The following FSTL5 variants were observed in gnomAD, a reference collection of about 807,000 sequenced individuals.
FSTL5 encodes the protein follistatin like 5, also known as follistatin-related protein 5.
A neutral mutation model predicts 89.1 loss-of-function variants in FSTL5; 62 were observed. That is an observed-to-expected ratio of 0.70 (90% confidence interval 0.57 to 0.86). FSTL5 has a LOEUF of 0.86. Ranked by LOEUF, FSTL5 falls within the 40% of genes least tolerant of loss-of-function variation. The probability of loss-of-function intolerance (pLI) is 0.00; values close to 1 mark genes in which losing one functional copy is unlikely to be tolerated. For synonymous variants in FSTL5, 383 were observed against 346.2 expected (o/e 1.11, Z -1.18); for missense variants, 1,057 against 1,001.6 (o/e 1.06, Z -0.75).
In FSTL5 at chr4:161,628,794, G is replaced by A. The variant is rs574334283; in HGVS notation, c.894+27534C>T. On this transcript the variant is annotated intron_variant, in intron 7 of 15. Coordinates refer to ENST00000306100, the MANE Select transcript of FSTL5 (RefSeq NM_020116.5). ...AATTTTTCACTTGCTCATTTCTAAT[G>A]TCAAGATTCAGACTACTAATGGACA... is the stretch of plus-strand genomic sequence containing the variant. Among the ~76,000 whole-genome samples, 82 of 152,228 alleles carry A rather than the reference G, an allele frequency of 5.4e-4. 1 individual carries two copies. The highest frequency in any genetic ancestry group is 1.9e-3 in the African/African-American group (81 of 41,544).
chr4:161,875,292 G>C (rs1732406897), intron 4 of FSTL5, among the ~76,000 whole-genome samples: 1 of 152,188 alleles, frequency 6.6e-6, no homozygotes, highest in Non-Finnish European at 1.5e-5. Flanking sequence ...AGGGCAAATA[G>C]GAAATTGGCT....
At chr4:161,748,234 A>G (rs1740269460) in intron 6 of FSTL5, among the ~76,000 whole-genome samples, 1 of 152,304 alleles carries the variant, frequency 6.6e-6, no homozygotes, top group East Asian at 1.9e-4. Context: ...CAGATTTGTT[A>G]CTGTTTTTGA....
chr4:161,578,138 G>A (rs532483143), intron 8 of FSTL5, among the ~76,000 whole-genome samples: 55 of 151,986 alleles, frequency 3.6e-4, no homozygotes, highest in Non-Finnish European at 5.6e-4. Context: ...AAATGTCAGC[G>A]AATAGGAAGA....
chr4:161,948,820 T>A (rs1222314085), intron 3 of FSTL5, among the ~76,000 whole-genome samples: 3 of 151,742 alleles, frequency 2.0e-5, no homozygotes, highest in Non-Finnish European at 4.4e-5. Context: ...CCTTATTCCA[T>A]CATATTCTGA....
chr4:161,982,519 A>G (rs914797106), intron 3 of FSTL5, among the ~76,000 whole-genome samples: 1 of 152,202 alleles, frequency 6.6e-6, no homozygotes, highest in Non-Finnish European at 1.5e-5. Context: ...TTTTTGCTGA[A>G]TTCTACTAAT....
In FSTL5 at chr4:161,459,320, C is replaced by T. The variant is rs1230977570; in HGVS notation, c.1609-1G>A. ...CTGGGACAGGGTCTGTGCTCACTGCCTACAATAAAGAAGAATTGAAAAAAA... is the reference window on the plus strand; with the variant it reads ...CTGGGACAGGGTCTGTGCTCACTGCTTACAATAAAGAAGAATTGAAAAAAA... On this transcript the variant is annotated splice_acceptor_variant, in intron 13 of 15. Coordinates refer to ENST00000306100, the MANE Select transcript of FSTL5 (RefSeq NM_020116.5). LOFTEE classifies it high-confidence loss of function. 5.0e-6 allele frequency: 8 copies of T among 1,594,780 alleles called. No individual in the cohort carries two copies. The highest frequency in any genetic ancestry group is 6.9e-6 in the Non-Finnish European group (8 of 1,164,086).
chr4:161,731,337 T>C (rs995695821), intron 6 of FSTL5, among the ~76,000 whole-genome samples: 2 of 152,028 alleles, frequency 1.3e-5, no homozygotes, highest in African/African-American at 2.4e-5. Flanking sequence ...CCAAATCTCA[T>C]CTTGAATTGT....
At chr4:161,716,037 C>T (rs1020554432) in intron 6 of FSTL5, among the ~76,000 whole-genome samples, 3 of 152,098 alleles carry the variant, frequency 2.0e-5, no homozygotes, top group African/African-American at 7.2e-5. Context: ...AAAACCCTTG[C>T]AATAGTCTTA....
At chr4:161,607,440 T>C (rs926761272) in intron 7 of FSTL5, among the ~76,000 whole-genome samples, 2 of 152,134 alleles carry the variant, frequency 1.3e-5, no homozygotes, top group Non-Finnish European at 2.9e-5. Flanking sequence ...TAAAATACTA[T>C]AAAACTATGG....
At chr4:161,810,647 T>C (rs1730109371) in intron 4 of FSTL5, among the ~76,000 whole-genome samples, 1 of 152,186 alleles carries the variant, frequency 6.6e-6, no homozygotes, top group African/African-American at 2.4e-5. Flanking sequence ...ATTGTGACCT[T>C]GGGCATGTTA....
intron 15 of FSTL5, among the ~76,000 whole-genome samples, chr4:161,412,511 G>T (rs1300751305): frequency 2.0e-5 from 3 of 151,996 alleles, no homozygotes; most frequent in Admixed American, 6.6e-5. Context: ...GGGGTAGGGG[G>T]ATAGGGGCGG....
chr4:161,900,634 A>C, intron 4 of FSTL5, among the ~76,000 whole-genome samples: 1 of 67,300 alleles, frequency 1.5e-5, no homozygotes, highest in Non-Finnish European at 3.4e-5. Context: ...GCGAGACTCC[A>C]TCTCAAAAAA....
At chr4:161,468,434 G>C (rs111980333) in intron 13 of FSTL5, among the ~76,000 whole-genome samples, 102 of 152,086 alleles carry the variant, frequency 6.7e-4, no homozygotes, top group African/African-American at 2.4e-3. Context: ...GTGACTATTA[G>C]AAAAACCTGA....
intron 6 of FSTL5, among the ~76,000 whole-genome samples, chr4:161,743,531 G>T (rs1340175483): frequency 6.6e-6 from 1 of 151,906 alleles, no homozygotes; most frequent in Non-Finnish European, 1.5e-5. Flanking sequence ...TGGCTATGTA[G>T]GACTCCATGC....
In FSTL5 at chr4:161,480,109, C is replaced by G. The variant is rs147791999; in HGVS notation, c.1608+911G>C. ...CAAACCAATATTGACTGAAAACATT[C>G]TCTGTAAATGAAAAGAATGTTTTGG... On this transcript the variant is annotated intron_variant, in intron 13 of 15. Transcript: ENST00000306100. Among the ~76,000 whole-genome samples, 131 of 152,218 alleles carry G rather than the reference C, an allele frequency of 8.6e-4. 1 individual carries two copies. The highest frequency in any genetic ancestry group is 1.7e-3 in the Non-Finnish European group (116 of 68,002).
At chr4:161,896,255 T>C (rs1419347719) in intron 4 of FSTL5, among the ~76,000 whole-genome samples, 1 of 152,228 alleles carries the variant, frequency 6.6e-6, no homozygotes, top group Non-Finnish European at 1.5e-5. Context: ...ATAGATTGCA[T>C]GTTAAATGAA....
At chr4:161,609,457 ACCAACAAATAT>A (rs1734566808) in intron 7 of FSTL5, among the ~76,000 whole-genome samples, 1 of 152,090 alleles carries the variant, frequency 6.6e-6, no homozygotes, top group Non-Finnish European at 1.5e-5. Context: ...CAATTTCCAA[ACCAACAAATAT>A]CCATAAACAC....
At chr4:161,481,470 C>T (rs1729504565) in intron 12 of FSTL5, among the ~76,000 whole-genome samples, 1 of 152,028 alleles carries the variant, frequency 6.6e-6, no homozygotes, top group African/African-American at 2.4e-5. Context: ...GAAAGTCCAA[C>T]ATCTTTCCTC....
chr4:161,941,597 A>G (rs1734586607), intron 3 of FSTL5, among the ~76,000 whole-genome samples: 1 of 151,984 alleles, frequency 6.6e-6, no homozygotes, highest in South Asian at 2.1e-4. Context: ...CCAAGAAGAC[A>G]TAATACTTAC....
Sources: gnomAD v4.1 joint callset for allele counts (sites outside exome capture counted in the v4.1 genomes callset) on GRCh38, gnomAD v4.1.1 for gene constraint, MANE v1.5 for transcripts, NCBI Gene and HGNC (gene_info 2026-07-23, HGNC 2026-07-21) for gene names.